DACH2: variants seen among roughly 807,000 people sequenced by gnomAD.
DACH2 encodes the protein dachshund family transcription factor 2.
Under a neutral mutation model 35.8 loss-of-function variants are expected in DACH2, and 17 were observed. That is an observed-to-expected ratio of 0.48 (90% confidence interval 0.33 to 0.71). The LOEUF (loss-of-function observed/expected upper bound fraction) is 0.71, where lower values mean the gene tolerates loss of function less well. Ranked by LOEUF, DACH2 falls within the 30% of genes least tolerant of loss-of-function variation. DACH2 has a pLI of 0.02. For synonymous variants in DACH2, 195 were observed against 177.3 expected (o/e 1.10, Z -0.79); for missense variants, 469 against 472.7 (o/e 0.99, Z 0.07).
chrX:86,455,526 A>T (rs1189116083), intron 2 of DACH2, among the ~76,000 whole-genome samples: 5 of 112,144 alleles, frequency 4.5e-5, no homozygotes, highest in African/African-American at 6.5e-5. Context: ...GTGAAGAGGA[A>T]TAGATTGGGG....
In DACH2 at chrX:86,149,070, A is replaced by G; in HGVS notation, c.450A>G (p.Lys150=). 6 of 1,191,352 alleles carry G rather than the reference A, an allele frequency of 5.0e-6. No homozygotes were observed. The highest frequency in any genetic ancestry group is 2.4e-4 in the Middle Eastern group (1 of 4,233). Residue 150 remains lysine (K), a synonymous_variant, in exon 1 of 12, where the codon AAA becomes AAG. Coordinates refer to ENST00000373125, the MANE Select transcript of DACH2 (RefSeq NM_053281.3). ...ACCGCTGCAAACTCATCACCAGGAAAGACTTCGAAACTTTGTTCACCGATT... is the reference window on the plus strand; with the variant it reads ...ACCGCTGCAAACTCATCACCAGGAAGGACTTCGAAACTTTGTTCACCGATT... ...GVNRCKLITR[K]DFETLFTDCT...
intron 4 of DACH2, among the ~76,000 whole-genome samples, chrX:86,661,730 C>A (rs1366597127): frequency 2.7e-5 from 3 of 112,062 alleles, no homozygotes; most frequent in African/African-American, 6.5e-5. Flanking sequence ...AAAATGATAA[C>A]TCTGTTGTTA....
intron 3 of DACH2, among the ~76,000 whole-genome samples, chrX:86,611,128 G>A (rs1487655240): frequency 9.2e-6 from 1 of 109,261 alleles, no homozygotes; most frequent in African/African-American, 3.4e-5. Context: ...TATTCAGCAG[G>A]TGATGGGTTC....
rs1328734182 is a variant in DACH2 at position 86,645,971 on chromosome X, T to C, written c.641-5065T>C. Reference sequence around the variant, plus strand: ...AGTACTGTGATTGATACCTGGGTGATGTAATAATATGTACAACAAACCCCC... The same window carrying C: ...AGTACTGTGATTGATACCTGGGTGACGTAATAATATGTACAACAAACCCCC... On this transcript the variant is annotated intron_variant, in intron 3 of 11. Coordinates refer to ENST00000373125, the MANE Select transcript of DACH2 (RefSeq NM_053281.3). Among the ~76,000 whole-genome samples the C allele has an allele frequency of 3.6e-5, 4 of 111,033 alleles. No individual in the cohort carries two copies. The East Asian group carries it at 1.1e-3, about 31-fold the overall frequency.
intron 1 of DACH2, among the ~76,000 whole-genome samples, chrX:86,213,502 T>C (rs997427208): frequency 2.7e-5 from 3 of 111,336 alleles, no homozygotes; most frequent in Admixed American, 1.9e-4. Context: ...CAAACTTAAA[T>C]TATCTATTTT....
chrX:86,471,545 C>T (rs895643542), intron 2 of DACH2, among the ~76,000 whole-genome samples: 3 of 111,160 alleles, frequency 2.7e-5, no homozygotes, highest in African/African-American at 9.8e-5. Context: ...TTCAGTAAGA[C>T]AGCATTTAAT....
chrX:86,280,262 A>G (rs559576401), intron 1 of DACH2, among the ~76,000 whole-genome samples: 1 of 112,369 alleles, frequency 8.9e-6, no homozygotes, highest in African/African-American at 3.2e-5. Flanking sequence ...CTCTCTGCAG[A>G]AACCCTGCAA....
chrX:86,358,540 C>T (rs916367439), intron 1 of DACH2, among the ~76,000 whole-genome samples: 1 of 108,420 alleles, frequency 9.2e-6, no homozygotes, highest in African/African-American at 3.4e-5. Context: ...ACAAGCCCTG[C>T]TGATAATCCT....
intron 7 of DACH2, among the ~76,000 whole-genome samples, chrX:86,757,998 G>C (rs779317756): frequency 8.9e-6 from 1 of 112,010 alleles, no homozygotes; most frequent in Non-Finnish European, 1.9e-5. Context: ...TAGGCTGTAT[G>C]TGTCTATAAA....
intron 1 of DACH2, among the ~76,000 whole-genome samples, chrX:86,221,185 A>T (rs896671969): frequency 9.0e-6 from 1 of 111,447 alleles, no homozygotes; most frequent in Non-Finnish European, 1.9e-5. Flanking sequence ...CGAGTTTTAT[A>T]GCTTTAAATC....
intron 6 of DACH2, 134 bp downstream of exon 6, chrX:86,714,854 G>C: frequency 3.8e-6 from 2 of 527,626 alleles, no homozygotes; most frequent in Non-Finnish European, 5.6e-6. Flanking sequence ...GTATTGATGG[G>C]TTTAGTTTGT....
chrX:86,693,141 T>G (rs1033801176), intron 4 of DACH2, among the ~76,000 whole-genome samples: 1 of 112,332 alleles, frequency 8.9e-6, no homozygotes, highest in Admixed American at 9.5e-5. Flanking sequence ...ATTGCATGTT[T>G]TCAATGAACA....
At chrX:86,313,280 A>G (rs2034835337) in intron 1 of DACH2, among the ~76,000 whole-genome samples, 1 of 112,003 alleles carries the variant, frequency 8.9e-6, no homozygotes, top group South Asian at 3.7e-4. Context: ...AATGGTTACA[A>G]TGTTTCTGTT....
intron 1 of DACH2, among the ~76,000 whole-genome samples, chrX:86,311,364 A>G (rs1324343393): frequency 8.9e-6 from 1 of 112,008 alleles, no homozygotes; most frequent in Non-Finnish European, 1.9e-5. Flanking sequence ...TGGTCTTACC[A>G]TGTTCCCCAT....
chrX:86,335,858 C>T (rs756940040), intron 1 of DACH2, among the ~76,000 whole-genome samples: 93 of 111,698 alleles, frequency 8.3e-4, no homozygotes, highest in African/African-American at 3.0e-3. Flanking sequence ...CAGCTTTTGC[C>T]TATTCAGTAT....
At chrX:86,645,079 A>G (rs949838302) in intron 3 of DACH2, among the ~76,000 whole-genome samples, 3 of 111,384 alleles carry the variant, frequency 2.7e-5, no homozygotes, top group African/African-American at 6.5e-5. Flanking sequence ...ATCTAATTAA[A>G]CTTCAAAGCT....
chrX:86,545,260 A>C (rs978839728), intron 3 of DACH2, among the ~76,000 whole-genome samples: 7 of 112,113 alleles, frequency 6.2e-5, no homozygotes, highest in African/African-American at 9.7e-5. Context: ...AGTAACATGG[A>C]TGGAGTTGGT....
intron 3 of DACH2, among the ~76,000 whole-genome samples, chrX:86,585,564 C>T (rs2039559591): frequency 9.1e-6 from 1 of 110,454 alleles, no homozygotes; most frequent in Non-Finnish European, 1.9e-5. Flanking sequence ...CTCCTCCAAC[C>T]TTCCATCCTC....
At chrX:86,152,775 G>A (rs770697454) in intron 1 of DACH2, among the ~76,000 whole-genome samples, 1 of 111,443 alleles carries the variant, frequency 9.0e-6, no homozygotes, top group Non-Finnish European at 1.9e-5. Flanking sequence ...AACACTAAAT[G>A]GGAAAAATTA....
Sources: gnomAD v4.1 joint callset for allele counts (sites outside exome capture counted in the v4.1 genomes callset) on GRCh38, gnomAD v4.1.1 for gene constraint, MANE v1.5 for transcripts, NCBI Gene and HGNC (gene_info 2026-07-23, HGNC 2026-07-21) for gene names.